Variants in PDE1C observed in about 807,000 individuals in gnomAD.
PDE1C encodes the protein dual specificity calcium/calmodulin-dependent 3',5'-cyclic nucleotide phosphodiesterase 1C.
In PDE1C, 62 loss-of-function variants were observed where a neutral mutation model predicts 93.1. The ratio of observed to expected loss-of-function variants is 0.67; its 90% confidence interval spans 0.54 to 0.82. The LOEUF is 0.82. PDE1C is among the 40% of genes least tolerant of loss of function. The pLI is 0.00. For synonymous variants in PDE1C, 325 were observed against 310.1 expected (o/e 1.05, Z -0.50); for missense variants, 742 against 884.6 (o/e 0.84, Z 2.04).
At chr7:32,340,807 T>C (rs1488536664) in intron 1 of PDE1C, among the ~76,000 whole-genome samples, 1 of 152,052 alleles carries the variant, frequency 6.6e-6, no homozygotes. Context: ...ATGGAGATAG[T>C]AAAAAGATGA....
chr7:31,767,034 T>C (rs548253882), intron 17 of PDE1C, among the ~76,000 whole-genome samples: 95 of 152,308 alleles, frequency 6.2e-4, no homozygotes, highest in Non-Finnish European at 1.1e-3. Context: ...GATTTTTTCT[T>C]TCTTATCTAA....
intron 3 of PDE1C, among the ~76,000 whole-genome samples, chr7:32,121,510 TA>T (rs1294437715): frequency 7.9e-5 from 12 of 152,038 alleles, no homozygotes; most frequent in Non-Finnish European, 1.6e-4. Context: ...TAGGGAAGCC[TA>T]ACAGACTAAC....
the PDE1C span, chr7:31,652,566 C>T: frequency 6.2e-7 from 1 of 1,610,594 alleles, no homozygotes; most frequent in Non-Finnish European, 8.5e-7. Flanking sequence ...TTCAAATCTG[C>T]ATCAATATAA....
chr7:31,749,263 TAAAC>T (rs1465242167), downstream of PDE1C, among the ~76,000 whole-genome samples: 1 of 151,726 alleles, frequency 6.6e-6, no homozygotes, highest in Non-Finnish European at 1.5e-5. Context: ...GAAAAAAAAA[TAAAC>T]AAGCAGAACT....
chr7:31,992,469 G>A (rs1193188562), intron 2 of PDE1C, among the ~76,000 whole-genome samples: 1 of 152,234 alleles, frequency 6.6e-6, no homozygotes, highest in Admixed American at 6.5e-5. Flanking sequence ...AATGAGGAAA[G>A]GCTTTGTTGG....
the PDE1C span, among the ~76,000 whole-genome samples, chr7:31,700,329 C>A: frequency 1.3e-5 from 2 of 152,164 alleles, no homozygotes; most frequent in South Asian, 4.1e-4. Context: ...CCAGCCATAA[C>A]CCTTCCTTAA....
At chr7:32,151,815 T>C (rs1801276885) in intron 3 of PDE1C, among the ~76,000 whole-genome samples, 1 of 152,086 alleles carries the variant, frequency 6.6e-6, no homozygotes, top group South Asian at 2.1e-4. Flanking sequence ...TTGAGGGTAA[T>C]GGTTCATTAT....
At chr7:32,080,537 T>G (rs1197880988) in intron 3 of PDE1C, among the ~76,000 whole-genome samples, 1 of 152,204 alleles carries the variant, frequency 6.6e-6, no homozygotes, top group Non-Finnish European at 1.5e-5. Context: ...TTTCAGTGCA[T>G]AAAGGGTTAA....
chr7:32,083,784 T>C (rs548153284), intron 3 of PDE1C, among the ~76,000 whole-genome samples: 1 of 152,050 alleles, frequency 6.6e-6, no homozygotes, highest in South Asian at 2.1e-4. Flanking sequence ...TAAAATACTT[T>C]ACAGACAAGC....
chr7:31,929,798 A>G (rs1181578948), intron 2 of PDE1C, among the ~76,000 whole-genome samples: 1 of 152,230 alleles, frequency 6.6e-6, no homozygotes, highest in Non-Finnish European at 1.5e-5. Flanking sequence ...GTTTAGAGGA[A>G]AATTTATAGC....
chr7:32,376,104 C>A (rs866069524), intron 1 of PDE1C, among the ~76,000 whole-genome samples: 3 of 152,022 alleles, frequency 2.0e-5, no homozygotes, highest in South Asian at 2.1e-4. Flanking sequence ...TTGCAGTGAG[C>A]CAAGATCATG....
chr7:32,210,503 T>C (rs1805942217), intron 1 of PDE1C, among the ~76,000 whole-genome samples: 1 of 152,250 alleles, frequency 6.6e-6, no homozygotes, highest in East Asian at 1.9e-4. Context: ...CAGTAACTAC[T>C]TTCTAAACTT....
In PDE1C at chr7:32,010,213, A is replaced by T. The variant is rs188835383; in HGVS notation, c.128+41341T>A. Among the ~76,000 whole-genome samples, 50 of 152,324 alleles carry T rather than the reference A, an allele frequency of 3.3e-4. 1 individual carries two copies. Among genetic ancestry groups the T allele is most frequent in the African/African-American group, 1.2e-3 (49 of 41,584 alleles). On this transcript the variant is annotated intron_variant, in intron 2 of 17. Transcript: ENST00000396191. The stretch of plus-strand genomic sequence containing the variant: ...CCAAATCAATTTTTAAAAAGAACAA[A>T]GGGGAACTAAAACAATCTGATATGA...
Position 32,403,693 on chromosome 7 carries a change from T to G in PDE1C, c.310+24129A>C, listed in dbSNP as rs563178619. ...TACTCTATGATTCAATTTGATTCAATTCAATTAGCACGTCTTATACCCCCA... is the reference window on the plus strand; with the variant it reads ...TACTCTATGATTCAATTTGATTCAAGTCAATTAGCACGTCTTATACCCCCA... On this transcript the variant is annotated intron_variant, in intron 1 of 1. Coordinates refer to the PDE1C transcript ENST00000672256. 2.6e-5 allele frequency among the ~76,000 whole-genome samples: 4 copies of G among 152,320 alleles called. No individual in the cohort carries two copies. The East Asian group carries it at 7.7e-4, about 29-fold the overall frequency.
At chr7:32,387,821 C>T (rs1784669243) in intron 1 of PDE1C, among the ~76,000 whole-genome samples, 1 of 139,370 alleles carries the variant, frequency 7.2e-6, no homozygotes, top group Non-Finnish European at 1.6e-5. Flanking sequence ...CCCCCACCAC[C>T]TCCCTCCAGG....
chr7:32,013,960 A>G (rs1787510320), intron 2 of PDE1C, among the ~76,000 whole-genome samples: 1 of 152,226 alleles, frequency 6.6e-6, no homozygotes, highest in Non-Finnish European at 1.5e-5. Flanking sequence ...CTCTCAAAAG[A>G]ATTTCAACTT....
chr7:31,763,973 T>A (rs1351151482), intron 17 of PDE1C, among the ~76,000 whole-genome samples: 2 of 148,446 alleles, frequency 1.3e-5, no homozygotes, highest in African/African-American at 4.9e-5. Context: ...ATATATATAT[T>A]ATGTATATAT....
At chr7:32,384,990 G>A (rs1052845075) in intron 1 of PDE1C, among the ~76,000 whole-genome samples, 3 of 152,164 alleles carry the variant, frequency 2.0e-5, no homozygotes, top group African/African-American at 4.8e-5. Context: ...CCAAGGAGGC[G>A]GGGATACTAG....
At chr7:31,803,281 A>G (rs576608391) in intron 16 of PDE1C, among the ~76,000 whole-genome samples, 129 of 151,966 alleles carry the variant, frequency 8.5e-4, no homozygotes, top group African/African-American at 3.0e-3. Flanking sequence ...AAGATCTTCC[A>G]TGTGTCTACT....
Sources: gnomAD v4.1 joint callset for allele counts (sites outside exome capture counted in the v4.1 genomes callset) on GRCh38, gnomAD v4.1.1 for gene constraint, MANE v1.5 for transcripts, NCBI Gene and HGNC (gene_info 2026-07-23, HGNC 2026-07-21) for gene names.